The following COX15 variants were observed in gnomAD, a reference collection of about 807,000 sequenced individuals.
COX15 encodes cytochrome c oxidase assembly factor COX15.
In COX15, 51 loss-of-function variants were observed where a neutral mutation model predicts 51.9. The ratio of observed to expected loss-of-function variants is 0.98; its 90% confidence interval spans 0.78 to 1.24. The LOEUF is 1.24. COX15 is among the 50% of genes most tolerant of loss of function. COX15 has a pLI of 0.00. For synonymous variants in COX15, 188 were observed against 190.5 expected, an observed-to-expected ratio of 0.99 and a Z score of 0.11; for missense variants, 420 against 501.1, an observed-to-expected ratio of 0.84 and a Z score of 1.55.
chr10:99,694,400 G>A, the COX15 span, among the ~76,000 whole-genome samples: 5 of 152,084 alleles, frequency 3.3e-5, no homozygotes, highest in African/African-American at 1.2e-4. Flanking sequence ...GCATTCCATT[G>A]TATGACCAAC....
Position 99,711,632 on chromosome 10 carries a change from T to C in COX15, c.*2955A>G, listed in dbSNP as rs1156479822. On this transcript the variant is annotated 3_prime_UTR_variant, in exon 9 of 9. Coordinates refer to ENST00000016171, the MANE Select transcript of COX15 (RefSeq NM_078470.6). ...TGGGGAACTTTAAAAATATGCCTTT[T>C]ACTTCCTCCAGGGATTGTGACTTAA... The C allele has an allele frequency of 1.0e-6, 1 of 985,140 alleles. No individual in the cohort carries two copies. The highest frequency in any genetic ancestry group is 1.1e-4 in the East Asian group (1 of 8,814). The allele number at this position is 985,140 out of a possible 1,614,324, so 61.0% of individuals were successfully genotyped here. A position where few individuals can be genotyped will look rare whatever the true frequency, so the allele number is the denominator to read the frequency against.
Position 99,712,330 on chromosome 10 carries a change from T to C in COX15, c.*2257A>G. The stretch of plus-strand genomic sequence containing the variant: ...CGGGAAACGTTAGGTCATTTATGGC[T>C]CTCAGACACGTTAAGCCTGCATAAC... On this transcript the variant is annotated 3_prime_UTR_variant, in exon 9 of 9. Transcript: ENST00000016171. 1 of 985,444 alleles carries C rather than the reference T, an allele frequency of 1.0e-6. No homozygotes were observed. The highest frequency in any genetic ancestry group is 1.2e-6 in the Non-Finnish European group (1 of 829,936). 61.0% of individuals were successfully genotyped at this position (985,444 alleles called of 1,614,324 possible).
At chr10:99,695,976 G>C in the COX15 span, 1 of 1,613,398 alleles carries the variant, frequency 6.2e-7, no homozygotes, top group Non-Finnish European at 8.5e-7. Context: ...CCAAGATCCT[G>C]CTGGCTGAGT....
At chr10:99,698,791 A>G in the COX15 span, 1 of 1,614,032 alleles carries the variant, frequency 6.2e-7, no homozygotes, top group South Asian at 1.1e-5. Context: ...GAGTTTTTTT[A>G]TTGTACAGAG....
chr10:99,712,932 T>C lies in COX15; in HGVS notation c.*1655A>G, dbSNP rs2133560344. ...TCAAGGACAGGAATCTTGCTCTCTC[T>C]CCAGATGTTCTCTGCTCCAGTTAAA... On this transcript the variant is annotated 3_prime_UTR_variant, in exon 9 of 9. Coordinates refer to ENST00000016171, the MANE Select transcript of COX15 (RefSeq NM_078470.6). The C allele has an allele frequency of 1.2e-6, 1 of 836,962 alleles. No homozygotes were observed. The highest frequency in any genetic ancestry group is 1.5e-6 in the Non-Finnish European group (1 of 689,106). 51.8% of individuals were successfully genotyped at this position (836,962 alleles called of 1,614,324 possible).
At position 99,732,094 on chromosome 10, in the gene COX15, G is replaced by T; in HGVS notation, c.-45C>A. 2 of 1,593,694 alleles carry T rather than the reference G, an allele frequency of 1.3e-6. No homozygotes were observed. Among genetic ancestry groups the T allele is most frequent in the South Asian group, 2.3e-5 (2 of 88,490 alleles). On this transcript the variant is annotated 5_prime_UTR_variant, in exon 1 of 9. Transcript: ENST00000016171. ...CACCTCTTCCACAACCCAGGGCTCTGTGGTCTCCCTCCTCCGCCAAGGAAA... is the reference window on the plus strand; with the variant it reads ...CACCTCTTCCACAACCCAGGGCTCTTTGGTCTCCCTCCTCCGCCAAGGAAA...
At chr10:99,698,649 A>G in the COX15 span, 2 of 1,614,204 alleles carry the variant, frequency 1.2e-6, no homozygotes, top group South Asian at 1.1e-5. Context: ...TGTCCGAGGA[A>G]GAGGAGACTG....
rs1319556031 is a variant in COX15 at position 99,712,769 on chromosome 10, T to C, written c.*1818A>G. On this transcript the variant is annotated 3_prime_UTR_variant, in exon 9 of 9. Coordinates refer to ENST00000016171, the MANE Select transcript of COX15 (RefSeq NM_078470.6). ...ACTGTCTCCATCAGCCTGACCCCAG[T>C]GAGCATTTGATTTGGTCTACCCTAC... 4 of 359,730 alleles carry C rather than the reference T, an allele frequency of 1.1e-5. No individual in the cohort carries two copies. The highest frequency in any genetic ancestry group is 6.6e-5 in the African/African-American group (3 of 45,306). 22.3% of individuals were successfully genotyped at this position (359,730 alleles called of 1,614,324 possible). A position where few individuals can be genotyped will look rare whatever the true frequency, so the allele number is the denominator to read the frequency against.
downstream of COX15, among the ~76,000 whole-genome samples, chr10:99,707,340 C>G (rs1392512709): frequency 1.3e-5 from 2 of 152,176 alleles, no homozygotes; most frequent in Non-Finnish European, 2.9e-5. Flanking sequence ...TGTTTATTCT[C>G]TTCTCCCAAT....
At chr10:99,715,111 G>A (rs550840353) in intron 8 of COX15, among the ~76,000 whole-genome samples, 10 of 152,070 alleles carry the variant, frequency 6.6e-5, no homozygotes, top group South Asian at 4.2e-4. Flanking sequence ...GTGCAGTATC[G>A]CACAGTATGG....
chr10:99,714,112 T>C lies in COX15; in HGVS notation c.*475A>G. ...TGAAAATCAGGATATTAGAAGACATTAGCTTTTTTTTTTTTGCTGAAGACC... is the reference window on the plus strand; with the variant it reads ...TGAAAATCAGGATATTAGAAGACATCAGCTTTTTTTTTTTTGCTGAAGACC... On this transcript the variant is annotated 3_prime_UTR_variant, in exon 9 of 9. Coordinates refer to ENST00000016171, the MANE Select transcript of COX15 (RefSeq NM_078470.6). The C allele has an allele frequency of 9.8e-7, 1 of 1,018,038 alleles. No individual in the cohort carries two copies. The highest frequency in any genetic ancestry group is 1.2e-6 in the Non-Finnish European group (1 of 849,132). 63.1% of individuals were successfully genotyped at this position (1,018,038 alleles called of 1,614,324 possible). A position where few individuals can be genotyped will look rare whatever the true frequency, so the allele number is the denominator to read the frequency against.
chr10:99,716,865 G>A (rs2036596858), intron 7 of COX15, among the ~76,000 whole-genome samples: 1 of 151,954 alleles, frequency 6.6e-6, no homozygotes, highest in Non-Finnish European at 1.5e-5. Context: ...GGCTGTGAGT[G>A]GAGAAAGTGC....
At chr10:99,704,658 T>C in the COX15 span, 39 of 1,613,682 alleles carry the variant, frequency 2.4e-5, no homozygotes, top group Non-Finnish European at 3.0e-5. Context: ...GTGGTGCCCA[T>C]GATGGGAGTA....
chr10:99,719,044 T>A (rs1345009759), intron 6 of COX15, among the ~76,000 whole-genome samples: 1 of 152,198 alleles, frequency 6.6e-6, no homozygotes, highest in African/African-American at 2.4e-5. Flanking sequence ...GTTATCTGTC[T>A]TCCCCAAATG....
intron 1 of COX15, among the ~76,000 whole-genome samples, chr10:99,730,172 G>GA (rs1317548501): frequency 2.0e-5 from 3 of 152,166 alleles, no homozygotes; most frequent in African/African-American, 7.2e-5. Context: ...CAGCACACTG[G>GA]AAAGCCCTTA....
In COX15 at chr10:99,718,345, C is replaced by A. The variant is rs746383265; in HGVS notation, c.987+1G>T. ...GGCAGGTAACCACCAACTACACTTA[C>A]CAGAATCCGGTGATCAAACTGCACC... On this transcript the variant is annotated splice_donor_variant, in intron 7 of 8. Transcript: ENST00000016171. LOFTEE classifies it high-confidence loss of function. 1 of 1,614,096 alleles carries A rather than the reference C, an allele frequency of 6.2e-7. No individual in the cohort carries two copies. Among genetic ancestry groups the A allele is most frequent in the South Asian group, 1.1e-5 (1 of 91,078 alleles).
In COX15 at chr10:99,711,276, T is replaced by G; in HGVS notation, c.*3311A>C. On this transcript the variant is annotated 3_prime_UTR_variant, in exon 9 of 9. Coordinates refer to ENST00000016171, the MANE Select transcript of COX15 (RefSeq NM_078470.6). Reference sequence around the variant, plus strand: ...GAGTTGCTACTTCCTTGGAGGCAACTGTAGAAGCATTAATATATGGTTCTT... The same window carrying G: ...GAGTTGCTACTTCCTTGGAGGCAACGGTAGAAGCATTAATATATGGTTCTT... 1 of 985,434 alleles carries G rather than the reference T, an allele frequency of 1.0e-6. No homozygotes were observed. Among genetic ancestry groups the G allele is most frequent in the Non-Finnish European group, 1.2e-6 (1 of 829,922 alleles). The allele number at this position is 985,434 out of a possible 1,614,324, so 61.0% of individuals were successfully genotyped here. A position where few individuals can be genotyped will look rare whatever the true frequency, so the allele number is the denominator to read the frequency against.
downstream of COX15, chr10:99,710,249 A>G (rs1361651428): frequency 1.2e-5 from 12 of 985,268 alleles, no homozygotes; most frequent in Non-Finnish European, 1.4e-5. Context: ...CTAGCTTCAT[A>G]AATGTTTTTC....
chr10:99,698,643 C>A, the COX15 span: 7 of 1,614,140 alleles, frequency 4.3e-6, no homozygotes, highest in Non-Finnish European at 5.9e-6. Flanking sequence ...CTTACATGTC[C>A]GAGGAAGAGG....
Sources: gnomAD v4.1 joint callset for allele counts (sites outside exome capture counted in the v4.1 genomes callset) on GRCh38, gnomAD v4.1.1 for gene constraint, MANE v1.5 for transcripts, NCBI Gene and HGNC (gene_info 2026-07-23, HGNC 2026-07-21) for gene names.